Variants in CMTM4 observed in about 807,000 individuals in gnomAD.
CMTM4 encodes the protein CKLF like MARVEL transmembrane domain containing 4.
In CMTM4, 8 loss-of-function variants were observed where a neutral mutation model predicts 19.0. The ratio of observed to expected loss-of-function variants is 0.42; its 90% CI spans 0.25 to 0.76. The LOEUF (loss-of-function observed/expected upper bound fraction) is 0.76. Ranked by LOEUF, CMTM4 falls within the 30% of genes least tolerant of loss-of-function variation. The pLI, the probability that CMTM4 is intolerant of heterozygous loss-of-function variation, is 0.27. For missense variants in CMTM4, 228 were observed against 290.2 expected (o/e 0.79, Z 1.56); for synonymous variants, 106 against 121.1 (o/e 0.88, Z 0.82).
chr16:66,694,693 A>G (rs2017199200), intron 1 of CMTM4, among the ~76,000 whole-genome samples: 1 of 145,890 alleles, frequency 6.9e-6, no homozygotes. Flanking sequence ...AGCCTGGGCG[A>G]CAGAGCTAGA....
At chr16:66,606,993 C>T in the CMTM4 span, among the ~76,000 whole-genome samples, 1 of 152,206 alleles carries the variant, frequency 6.6e-6, no homozygotes, top group Admixed American at 6.5e-5. Context: ...GACTCCATCT[C>T]TGGGGCGGAG....
At chr16:66,685,846 C>T (rs528066238) in intron 1 of CMTM4, among the ~76,000 whole-genome samples, 8 of 152,206 alleles carry the variant, frequency 5.3e-5, no homozygotes, top group South Asian at 2.1e-4. Context: ...TGTTTCACCA[C>T]GTTACCCAGG....
intron 1 of CMTM4, among the ~76,000 whole-genome samples, chr16:66,657,740 T>C (rs2016424800): frequency 6.6e-6 from 1 of 152,224 alleles, no homozygotes; most frequent in South Asian, 2.1e-4. Flanking sequence ...AAAAAACTCA[T>C]TGTTCACCTT....
intron 1 of CMTM4, among the ~76,000 whole-genome samples, chr16:66,693,326 T>C (rs2017172327): frequency 6.6e-6 from 1 of 152,146 alleles, no homozygotes; most frequent in Non-Finnish European, 1.5e-5. Flanking sequence ...GGCACCATAA[T>C]AGCTCCCTGT....
intron 1 of CMTM4, among the ~76,000 whole-genome samples, chr16:66,642,659 T>C (rs2016115968): frequency 6.6e-6 from 1 of 152,070 alleles, no homozygotes; most frequent in Non-Finnish European, 1.5e-5. Context: ...GAGTTTGCAA[T>C]GAGCCGAGAT....
chr16:66,650,391 A>G (rs1431458299), intron 1 of CMTM4, among the ~76,000 whole-genome samples: 1 of 152,238 alleles, frequency 6.6e-6, no homozygotes, highest in East Asian at 1.9e-4. Flanking sequence ...GTTCGGGTTT[A>G]TACATTGGGA....
chr16:66,671,934 C>A (rs2016714916), intron 1 of CMTM4, among the ~76,000 whole-genome samples: 1 of 151,924 alleles, frequency 6.6e-6, no homozygotes, highest in African/African-American at 2.4e-5. Flanking sequence ...AGGAGACTTA[C>A]AGAGGATCAC....
intron 1 of CMTM4, among the ~76,000 whole-genome samples, chr16:66,653,177 C>G (rs770830946): frequency 1.6e-4 from 24 of 152,304 alleles, no homozygotes; most frequent in Middle Eastern, 3.4e-3. Flanking sequence ...ACTTCCCCAA[C>G]CTAACAACTC....
chr16:66,630,919 G>A (rs1298325493), intron 2 of CMTM4, among the ~76,000 whole-genome samples: 4 of 151,436 alleles, frequency 2.6e-5, no homozygotes, highest in African/African-American at 9.7e-5. Flanking sequence ...CGCCCCGTCT[G>A]GGATGTGAGG....
chr16:66,661,770 A>T (rs1275388256), intron 1 of CMTM4, among the ~76,000 whole-genome samples: 22 of 151,970 alleles, frequency 1.4e-4, no homozygotes, highest in Non-Finnish European at 8.8e-5. Flanking sequence ...ATCTCTACTA[A>T]AACAACAAAA....
At chr16:66,690,393 G>A (rs1312331111) in intron 1 of CMTM4, among the ~76,000 whole-genome samples, 1 of 152,208 alleles carries the variant, frequency 6.6e-6, no homozygotes, top group African/African-American at 2.4e-5. Flanking sequence ...CAACAGAACT[G>A]AGGGGATTTG....
intron 2 of CMTM4, among the ~76,000 whole-genome samples, chr16:66,630,833 CAT>C (rs1273920656): frequency 6.6e-6 from 1 of 151,370 alleles, no homozygotes; most frequent in Non-Finnish European, 1.5e-5. Flanking sequence ...GCCCGGCCGC[CAT>C]CCCATCTAGG....
At chr16:66,631,888 C>A (rs2015878983) in intron 2 of CMTM4, among the ~76,000 whole-genome samples, 1 of 151,902 alleles carries the variant, frequency 6.6e-6, no homozygotes. Context: ...TATGACCCTG[C>A]CAAATCCCCC....
chr16:66,621,670 C>A lies in CMTM4; in HGVS notation c.*388G>T. ...GCCTAAGGCTGCCTGAGAACCACTG[C>A]CGACTGACCGTTCCAATGCTGTCCC... On this transcript the variant is annotated 3_prime_UTR_variant, in exon 4 of 4. Coordinates refer to ENST00000394106, the MANE Select transcript of CMTM4 (RefSeq NM_181521.3). 2.0e-6 allele frequency: 2 copies of A among 1,023,256 alleles called. No individual in the cohort carries two copies. The highest frequency in any genetic ancestry group is 2.4e-6 in the Non-Finnish European group (2 of 850,946). The allele number at this position is 1,023,256 out of a possible 1,614,324, so 63.4% of individuals were successfully genotyped here.
intron 1 of CMTM4, among the ~76,000 whole-genome samples, chr16:66,681,590 C>G (rs1229242008): frequency 2.6e-5 from 4 of 152,182 alleles, no homozygotes; most frequent in Non-Finnish European, 5.9e-5. Flanking sequence ...AGACGTGAGC[C>G]ACCGCGCCCA....
chr16:66,653,243 C>T (rs1369798101), intron 1 of CMTM4, among the ~76,000 whole-genome samples: 5 of 152,154 alleles, frequency 3.3e-5, no homozygotes, highest in South Asian at 4.1e-4. Context: ...GAATGAGAAA[C>T]GAGCAGGCTG....
intron 1 of CMTM4, among the ~76,000 whole-genome samples, chr16:66,638,959 G>A (rs909977203): frequency 2.0e-5 from 3 of 151,254 alleles, no homozygotes; most frequent in Non-Finnish European, 4.4e-5. Context: ...GATAATGCAC[G>A]TTACCTCACT....
chr16:66,671,927 A>G (rs1275063273), intron 1 of CMTM4, among the ~76,000 whole-genome samples: 2 of 151,826 alleles, frequency 1.3e-5, no homozygotes, highest in Admixed American at 6.6e-5. Flanking sequence ...GCTACTCAGG[A>G]GACTTACAGA....
intron 1 of CMTM4, among the ~76,000 whole-genome samples, chr16:66,666,211 G>A (rs1017434533): frequency 4.6e-5 from 7 of 152,194 alleles, no homozygotes; most frequent in African/African-American, 1.7e-4. Flanking sequence ...CCAGCACTTT[G>A]GGAGGCCGAG....
Sources: gnomAD v4.1 joint callset for allele counts (sites outside exome capture counted in the v4.1 genomes callset) on GRCh38, gnomAD v4.1.1 for gene constraint, MANE v1.5 for transcripts, NCBI Gene and HGNC (gene_info 2026-07-23, HGNC 2026-07-21) for gene names.